Variants in PARD3 observed in about 807,000 individuals in gnomAD.
PARD3 encodes the protein partitioning defective 3 homolog.
A neutral mutation model predicts 155.4 loss-of-function variants in PARD3; 75 were observed. The observed-to-expected ratio is 0.48, with a 90% CI of 0.40 to 0.58. The LOEUF (loss-of-function observed/expected upper bound fraction) is 0.58, where lower values mean the gene tolerates loss of function less well. Ranked by LOEUF, PARD3 falls within the 20% of genes least tolerant of loss-of-function variation. The pLI is 0.00. For synonymous variants in PARD3, 576 were observed against 610.5 expected (o/e 0.94, Z 0.83); for missense variants, 1,642 against 1,721.7 (o/e 0.95, Z 0.82).
In PARD3 at chr10:34,694,356, G is replaced by T. The variant is rs538566769; in HGVS notation, c.222+1962C>A. ...AATGAAAGATGGTACTCTTCATGTG[G>T]ACTGCAGAAAAGGATTTCAGAGTTA... On this transcript the variant is annotated intron_variant, in intron 2 of 24. Transcript: ENST00000374788. Among the ~76,000 whole-genome samples, 169 of 151,836 alleles carry T rather than the reference G, an allele frequency of 1.1e-3. 1 individual carries two copies. Among genetic ancestry groups the T allele is most frequent in the African/African-American group, 3.8e-3 (158 of 41,410 alleles).
At chr10:34,743,697 C>G (rs2095058026) in intron 1 of PARD3, among the ~76,000 whole-genome samples, 1 of 152,198 alleles carries the variant, frequency 6.6e-6, no homozygotes. Context: ...TGATGGGTAT[C>G]TGAACTTGAA....
chr10:34,150,685 C>A lies in PARD3; in HGVS notation c.3420-19102G>T, dbSNP rs1418448856. ...GCTGGGCCTCAGGCTTGGGGAATAC[C>A]TGGGCTATGGCAGGTGAATCTGCTT... is the stretch of plus-strand genomic sequence containing the variant. On this transcript the variant is annotated intron_variant, in intron 22 of 24. Coordinates refer to ENST00000374788, the MANE Select transcript of PARD3 (RefSeq NM_001184785.2). 3.9e-5 allele frequency among the ~76,000 whole-genome samples: 6 copies of A among 152,110 alleles called. No individual in the cohort carries two copies. In the East Asian group the frequency reaches 9.6e-4, roughly 24 times the overall value.
At chr10:34,482,040 T>C (rs1354451903) in intron 3 of PARD3, among the ~76,000 whole-genome samples, 1 of 144,176 alleles carries the variant, frequency 6.9e-6, no homozygotes, top group East Asian at 2.0e-4. Flanking sequence ...ATCTTTTTTT[T>C]TTTTTTTTTT....
chr10:34,601,315 G>T (rs1398716609), intron 2 of PARD3, among the ~76,000 whole-genome samples: 1 of 151,574 alleles, frequency 6.6e-6, no homozygotes, highest in Non-Finnish European at 1.5e-5. Flanking sequence ...TAGTGGCAGG[G>T]GCCTGTGGTC....
At chr10:34,288,401 T>C (rs140920792) in intron 20 of PARD3, among the ~76,000 whole-genome samples, 1 of 152,254 alleles carries the variant, frequency 6.6e-6, no homozygotes, top group African/African-American at 2.4e-5. Flanking sequence ...CACTCACAGC[T>C]GTAATATTCT....
At chr10:34,343,721 A>G (rs1057084174) in intron 15 of PARD3, 11 of 984,612 alleles carry the variant, frequency 1.1e-5, no homozygotes, top group Non-Finnish European at 1.3e-5. Context: ...TAGTTGGTAC[A>G]TCATAAATGT....
chr10:34,544,286 A>G (rs919496527), intron 2 of PARD3, among the ~76,000 whole-genome samples: 2 of 152,230 alleles, frequency 1.3e-5, no homozygotes, highest in African/African-American at 4.8e-5. Context: ...AGCCAATATT[A>G]TAGGTATATA....
At chr10:34,522,761 C>CCA (rs1386391502) in intron 2 of PARD3, among the ~76,000 whole-genome samples, 1 of 152,250 alleles carries the variant, frequency 6.6e-6, no homozygotes, top group African/African-American at 2.4e-5. Flanking sequence ...CTAGAGGGCC[C>CCA]CACAGAAACA....
chr10:34,313,000 A>C (rs938633051), intron 20 of PARD3, among the ~76,000 whole-genome samples: 2 of 152,236 alleles, frequency 1.3e-5, no homozygotes, highest in Non-Finnish European at 2.9e-5. Flanking sequence ...GAGATTAAAA[A>C]CTAAGGCAAA....
intron 19 of PARD3, among the ~76,000 whole-genome samples, chr10:34,321,085 C>T (rs1469590416): frequency 6.6e-6 from 1 of 152,032 alleles, no homozygotes; most frequent in Non-Finnish European, 1.5e-5. Flanking sequence ...AAATTGGTTA[C>T]ACATGCTTAA....
At chr10:34,456,686 C>A (rs1199926329) in intron 4 of PARD3, among the ~76,000 whole-genome samples, 4 of 152,136 alleles carry the variant, frequency 2.6e-5, no homozygotes, top group Non-Finnish European at 5.9e-5. Context: ...AACTATCCAA[C>A]AAATTAACAA....
intron 11 of PARD3, among the ~76,000 whole-genome samples, chr10:34,372,994 T>A (rs191867587): frequency 1.7e-4 from 26 of 152,174 alleles, no homozygotes; most frequent in Admixed American, 1.1e-3. Context: ...AACATGATTT[T>A]TTTTTCCTAT....
rs12256765 is a variant in PARD3, at chr10:34,769,909, G to A, written c.120+44967C>T. 2.0e-3 allele frequency among the ~76,000 whole-genome samples: 310 copies of A among 151,836 alleles called. 1 individual carries two copies. The highest frequency in any genetic ancestry group is 7.2e-3 in the African/African-American group (298 of 41,396). ...TATAACCATTTCATACTTACAAGGGGTCCTTTCCTAAGTGACATTAATTCA... is the reference window on the plus strand; with the variant it reads ...TATAACCATTTCATACTTACAAGGGATCCTTTCCTAAGTGACATTAATTCA... On this transcript the variant is annotated intron_variant, in intron 1 of 24. Transcript: ENST00000374788.
At chr10:34,750,927 G>A (rs1232493735) in intron 1 of PARD3, among the ~76,000 whole-genome samples, 2 of 152,112 alleles carry the variant, frequency 1.3e-5, no homozygotes, top group Non-Finnish European at 2.9e-5. Flanking sequence ...GACCTCAAGT[G>A]ATCTTCCCGC....
intron 19 of PARD3, among the ~76,000 whole-genome samples, chr10:34,320,190 G>A (rs771329440): frequency 3.3e-5 from 5 of 152,122 alleles, no homozygotes; most frequent in Non-Finnish European, 7.3e-5. Context: ...CTAATCGCCA[G>A]GTATCACCAT....
At chr10:34,508,888 G>A (rs1711504178) in intron 3 of PARD3, among the ~76,000 whole-genome samples, 1 of 152,118 alleles carries the variant, frequency 6.6e-6, no homozygotes, top group Non-Finnish European at 1.5e-5. Flanking sequence ...TGTTAGTCTA[G>A]TGCTTCTCCT....
chr10:34,121,946 C>G (rs913408900), intron 23 of PARD3, among the ~76,000 whole-genome samples: 2 of 152,218 alleles, frequency 1.3e-5, no homozygotes, highest in African/African-American at 4.8e-5. Flanking sequence ...AACAATTGTT[C>G]ATCAACTGCA....
chr10:34,567,865 G>A (rs2086081337), intron 2 of PARD3, among the ~76,000 whole-genome samples: 1 of 151,906 alleles, frequency 6.6e-6, no homozygotes, highest in African/African-American at 2.4e-5. Flanking sequence ...TCTGTCCTCA[G>A]AATCGTGAGA....
intron 21 of PARD3, among the ~76,000 whole-genome samples, chr10:34,274,687 T>C (rs1223120784): frequency 6.6e-6 from 1 of 152,070 alleles, no homozygotes; most frequent in Non-Finnish European, 1.5e-5. Context: ...AAAGCTGAAA[T>C]TTCTGAATTT....
Sources: allele counts gnomAD v4.1 joint callset (sites outside exome capture counted in the v4.1 genomes callset), GRCh38; gene constraint gnomAD v4.1.1; transcripts MANE v1.5; gene names NCBI Gene and HGNC (gene_info 2026-07-23, HGNC 2026-07-21).